PRSS41: variants seen among roughly 807,000 people sequenced by gnomAD.
The protein encoded by PRSS41 is serine protease 41.
Under a neutral mutation model 28.8 loss-of-function variants are expected in PRSS41, and 37 were observed. The observed-to-expected ratio is 1.29, with a 90% CI of 0.99 to 1.69. The LOEUF is 1.69. Among genes scored for constraint, PRSS41 ranks in the 40% most tolerant of loss-of-function variants. The pLI, the probability that PRSS41 is intolerant of heterozygous loss-of-function variation, is 0.00. For synonymous variants in PRSS41, 195 were observed against 163.1 expected (o/e 1.20, Z -1.49); for missense variants, 431 against 400.7 (o/e 1.08, Z -0.65).
rs985302800 is a variant in PRSS41 at position 2,804,455 on chromosome 16, A to G, written c.608A>G (p.Asn203Ser). ...ACCATCTTAAACAACACCAGGTGTA[A>G]TTACCTGTTTGAACAGCCCTCTAGC... The change falls in exon 5 of 6, where the codon AAT (asparagine) becomes AGT (serine). Residue 203 changes from asparagine to serine, a missense_variant. By Grantham distance (46) the Asn-to-Ser change is conservative (BLOSUM62 1). Transcript: ENST00000399677. 3.2e-6 allele frequency: 5 copies of G among 1,551,536 alleles called. No individual in the cohort carries two copies. In the East Asian group the frequency reaches 9.8e-5, roughly 30 times the overall value.
At chr16:2,802,201 A>T (rs1292852553) in intron 4 of PRSS41, among the ~76,000 whole-genome samples, 4 of 150,098 alleles carry the variant, frequency 2.7e-5, no homozygotes, top group Non-Finnish European at 5.9e-5. Context: ...CACCTCCCAG[A>T]CAGGGTCGCG....
chr16:2,800,745 T>G (rs951507896), intron 4 of PRSS41, among the ~76,000 whole-genome samples: 1 of 152,048 alleles, frequency 6.6e-6, no homozygotes, highest in African/African-American at 2.4e-5. Context: ...CCCAAAAACC[T>G]TTTCTTTCTT....
intron 4 of PRSS41, among the ~76,000 whole-genome samples, chr16:2,802,933 A>G (rs1188043218): frequency 6.6e-6 from 1 of 152,070 alleles, no homozygotes; most frequent in Admixed American, 6.5e-5. Flanking sequence ...ATTAAATTCT[A>G]TTTTGTCTGA....
chr16:2,800,063 G>A (rs891442285), intron 4 of PRSS41, among the ~76,000 whole-genome samples: 1 of 152,224 alleles, frequency 6.6e-6, no homozygotes, highest in Non-Finnish European at 1.5e-5. Flanking sequence ...ATGGAGTGTA[G>A]TTACACAAAC....
At chr16:2,801,816 C>T (rs1328307899) in intron 4 of PRSS41, among the ~76,000 whole-genome samples, 4 of 152,256 alleles carry the variant, frequency 2.6e-5, no homozygotes, top group Admixed American at 1.3e-4. Context: ...TCCACAAAAC[C>T]GCCATTGTCA....
intron 4 of PRSS41, among the ~76,000 whole-genome samples, chr16:2,801,548 G>A (rs569094821): frequency 1.3e-5 from 2 of 151,612 alleles, no homozygotes; most frequent in African/African-American, 2.4e-5. Flanking sequence ...GACTCTTAAC[G>A]AGCATGCTGC....
Position 2,799,589 on chromosome 16 carries a change from G to T in PRSS41, c.541+20G>T, listed in dbSNP as rs115926249. The T allele has an allele frequency of 7.2e-3, 11,080 of 1,549,538 alleles. 454 individuals are homozygous for T. In the Admixed American group the frequency reaches 0.093, roughly 13 times the overall value. On this transcript the variant is annotated intron_variant, in intron 4 of 5. Transcript: ENST00000399677. ...GTGGCAGTGAGGCTGGGGATAGACC[G>T]GGTGGGGTGATGGGGGTGCGGGGTG...
chr16:2,799,285 G>T lies in PRSS41; in HGVS notation c.258-1G>T, dbSNP rs1482781255. The T allele has an allele frequency of 1.3e-6, 2 of 1,551,234 alleles. No homozygotes were observed. The highest frequency in any genetic ancestry group is 2.7e-5 in the African/African-American group (2 of 73,044). ...CCCCGCCCTCTCTCCTTTTCTGCTA[G>T]GCACTACTATCCCTCCGAGTGGACG... On this transcript the variant is annotated splice_acceptor_variant, in intron 3 of 5. Transcript: ENST00000399677. LOFTEE classifies it high-confidence loss of function.
intron 3 of PRSS41, 29 bp downstream of exon 3, chr16:2,799,153 G>A: frequency 6.6e-7 from 1 of 1,506,664 alleles, no homozygotes; most frequent in Non-Finnish European, 8.9e-7. Flanking sequence ...CGGGGCCTCA[G>A]ACTTGCTAAT....
intron 4 of PRSS41, among the ~76,000 whole-genome samples, chr16:2,802,251 G>A (rs1002356456): frequency 2.3e-4 from 35 of 149,880 alleles, no homozygotes; most frequent in Non-Finnish European, 3.9e-4. Flanking sequence ...ATGGGGCGGC[G>A]GGGCAGAGGC....
At chr16:2,804,468 A>G in exon 5 of PRSS41, 1 of 1,551,634 alleles carries the variant, frequency 6.4e-7, no homozygotes, top group East Asian at 2.4e-5. Context: ...ACCTGTTTGA[A>G]CAGCCCTCTA....
intron 3 of PRSS41, 49 bp from the exon 4 acceptor site, chr16:2,799,237 G>A: frequency 1.3e-6 from 2 of 1,539,264 alleles, no homozygotes; most frequent in Non-Finnish European, 1.8e-6. Flanking sequence ...GTGCTCAGGC[G>A]GCCAGCCCCC....
chr16:2,805,084 A>C (rs1325458901), exon 6 of PRSS41: 1 of 1,551,906 alleles, frequency 6.4e-7, no homozygotes, highest in Non-Finnish European at 8.7e-7. Context: ...CACCCAGGCC[A>C]AACCCCTCCC....
exon 6 of PRSS41, chr16:2,804,970 A>G (rs990628442): frequency 3.1e-6 from 5 of 1,588,346 alleles, no homozygotes; most frequent in Non-Finnish European, 4.3e-6. Flanking sequence ...ATCAGGTTGG[A>G]ATCGTGAGCT....
In PRSS41 at chr16:2,798,949, T is replaced by G. The variant is rs779713010; in HGVS notation, c.92-10T>G. ...CCGGCAGCTCAGCCGCGTCCGTCTGTCCATCCCAGAGGCCTGCGGCCACCG... is the reference window on the plus strand; with the variant it reads ...CCGGCAGCTCAGCCGCGTCCGTCTGGCCATCCCAGAGGCCTGCGGCCACCG... On this transcript the variant is annotated splice_polypyrimidine_tract_variant and intron_variant, in intron 2 of 5. Coordinates refer to ENST00000399677, the Ensembl canonical transcript of PRSS41. 2 of 1,324,958 alleles carry G rather than the reference T, an allele frequency of 1.5e-6. No homozygotes were observed. Among genetic ancestry groups the G allele is most frequent in the South Asian group, 2.5e-5 (2 of 80,626 alleles). 82.1% of individuals were successfully genotyped at this position (1,324,958 alleles called of 1,614,324 possible).
At chr16:2,801,620 G>A (rs1466883452) in intron 4 of PRSS41, among the ~76,000 whole-genome samples, 1 of 151,098 alleles carries the variant, frequency 6.6e-6, no homozygotes, top group East Asian at 1.9e-4. Flanking sequence ...AACCCTGAGT[G>A]GACACAGCAC....
intron 2 of PRSS41, 40 bp downstream of exon 2, chr16:2,798,702 G>A: frequency 7.0e-7 from 1 of 1,426,388 alleles, no homozygotes; most frequent in Non-Finnish European, 9.1e-7. Flanking sequence ...CAGGGCGGCT[G>A]GGCCGGGGTG....
intron 4 of PRSS41, 78 bp from the exon 5 acceptor site, chr16:2,804,311 A>G: frequency 2.7e-6 from 4 of 1,491,468 alleles, no homozygotes; most frequent in Non-Finnish European, 3.6e-6. Context: ...CCCCTATAAC[A>G]CATGCCCTTT....
intron 4 of PRSS41, among the ~76,000 whole-genome samples, chr16:2,801,654 G>T (rs1392168190): frequency 1.3e-5 from 2 of 150,966 alleles, no homozygotes; most frequent in Non-Finnish European, 3.0e-5. Flanking sequence ...CACAGGGTTG[G>T]GGGTAAGGTC....
Sources: gnomAD v4.1 joint callset for allele counts (sites outside exome capture counted in the v4.1 genomes callset) on GRCh38, gnomAD v4.1.1 for gene constraint, MANE v1.5 for transcripts, NCBI Gene and HGNC (gene_info 2026-07-23, HGNC 2026-07-21) for gene names.